The following ADAP1 variants were observed in gnomAD, a reference collection of about 807,000 sequenced individuals.
ADAP1 encodes ArfGAP with dual PH domains 1.
In ADAP1, 31 loss-of-function variants were observed where a neutral mutation model predicts 54.9. That is an observed-to-expected ratio of 0.56 (90% CI 0.42 to 0.76). The LOEUF (loss-of-function observed/expected upper bound fraction) is 0.76. Ranked by LOEUF, ADAP1 falls within the 30% of genes least tolerant of loss-of-function variation. The probability of loss-of-function intolerance (pLI) is 0.00; values close to 1 mark genes in which losing one functional copy is unlikely to be tolerated. For synonymous variants in ADAP1, 313 were observed against 202.6 expected (o/e 1.55, Z -4.63); for missense variants, 535 against 512.4 (o/e 1.04, Z -0.42).
intron 4 of ADAP1, among the ~76,000 whole-genome samples, chr7:914,801 G>T (rs1006127849): frequency 2.0e-5 from 3 of 151,888 alleles, no homozygotes; most frequent in Admixed American, 2.0e-4. Flanking sequence ...CTGGAGCACA[G>T]ACAGTCACCG....
chr7:950,994 T>C (rs1476093457), intron 1 of ADAP1, among the ~76,000 whole-genome samples: 4 of 151,070 alleles, frequency 2.6e-5, no homozygotes, highest in African/African-American at 9.8e-5. Flanking sequence ...GTTCTGGAGA[T>C]GATGGTGGTG....
Position 899,030 on chromosome 7 carries a change from C to T in ADAP1, c.1096+3G>A. On this transcript the variant is annotated splice_donor_region_variant and intron_variant, in intron 10 of 10. Coordinates refer to ENST00000265846, the MANE Select transcript of ADAP1 (RefSeq NM_006869.4). ...CAGGCCGCCGGCCGCCCGCCCCCCTCACCTGCGTACTCCTGGGGCAGCATG... is the reference window on the plus strand; with the variant it reads ...CAGGCCGCCGGCCGCCCGCCCCCCTTACCTGCGTACTCCTGGGGCAGCATG... The T allele has an allele frequency of 6.2e-7, 1 of 1,609,684 alleles. No homozygotes were observed. Among genetic ancestry groups the T allele is most frequent in the Middle Eastern group, 1.6e-4 (1 of 6,062 alleles).
intron 7 of ADAP1, 121 bp downstream of exon 7, chr7:900,412 G>T: frequency 8.7e-7 from 1 of 1,149,390 alleles, no homozygotes; most frequent in Non-Finnish European, 1.2e-6. Flanking sequence ...TGAGCCCTTG[G>T]CCAGTCCCAG....
upstream of ADAP1, chr7:955,298 C>T: frequency 2.6e-6 from 4 of 1,550,088 alleles, no homozygotes; most frequent in Non-Finnish European, 3.5e-6. Context: ...GTCACCTCTT[C>T]CCAGACTCGC....
At chr7:930,101 CAAAAA>C (rs1170304660) in intron 2 of ADAP1, among the ~76,000 whole-genome samples, 2 of 33,276 alleles carry the variant, frequency 6.0e-5, no homozygotes, top group African/African-American at 2.6e-4. Flanking sequence ...AAGACTGTCT[CAAAAA>C]AAAAAAAAAA....
chr7:905,542 AGGG>A (rs1845161176), intron 4 of ADAP1: 2 of 57,142 alleles, frequency 3.5e-5, no homozygotes, highest in South Asian at 6.0e-4. Context: ...AGAAGGGAGA[AGGG>A]AGAAGGGAGA....
chr7:948,632 C>A (rs535080009), intron 1 of ADAP1, among the ~76,000 whole-genome samples: 3 of 152,146 alleles, frequency 2.0e-5, no homozygotes, highest in Non-Finnish European at 4.4e-5. Flanking sequence ...CCTGACCCAC[C>A]TCCCAGCCCA....
chr7:952,886 C>T (rs1189805425), intron 1 of ADAP1, among the ~76,000 whole-genome samples: 1 of 152,050 alleles, frequency 6.6e-6, no homozygotes, highest in African/African-American at 2.4e-5. Flanking sequence ...GCCGGGCACA[C>T]CTGCACCCAC....
chr7:938,077 G>A lies in ADAP1; in HGVS notation c.83-2572C>T, dbSNP rs1846834022. On this transcript the variant is annotated intron_variant, in intron 1 of 10. Coordinates refer to ENST00000265846, the MANE Select transcript of ADAP1 (RefSeq NM_006869.4). The surrounding 1 kb of genome is among the most constrained non-coding windows in gnomAD (Gnocchi z 4.4). Reference sequence around the variant, plus strand: ...CCAAGTGACCCTGTCTCGGGTACCAGGAGTTTTGCCTGTGCTGAGTAGGGC... The same window carrying A: ...CCAAGTGACCCTGTCTCGGGTACCAAGAGTTTTGCCTGTGCTGAGTAGGGC... Among the ~76,000 whole-genome samples, 1 of 152,230 alleles carries A rather than the reference G, an allele frequency of 6.6e-6. No homozygotes were observed. Among genetic ancestry groups the A allele is most frequent in the African/African-American group, 2.4e-5 (1 of 41,458 alleles).
rs1177596730 is a variant in ADAP1 at position 928,262 on chromosome 7, G to A, written c.214-1618C>T. 2.0e-5 allele frequency among the ~76,000 whole-genome samples: 3 copies of A among 152,246 alleles called. 1 individual carries two copies. Among genetic ancestry groups the A allele is most frequent in the Non-Finnish European group, 4.4e-5 (3 of 68,020 alleles). On this transcript the variant is annotated intron_variant, in intron 2 of 10. Coordinates refer to ENST00000265846, the MANE Select transcript of ADAP1 (RefSeq NM_006869.4). The stretch of plus-strand genomic sequence containing the variant: ...CACACCTGTAATCCCAGCACTTTGG[G>A]AGGCCGAGGCGGGAGGATCCCTTGA...
chr7:932,404 C>T (rs1014817640), intron 2 of ADAP1, among the ~76,000 whole-genome samples: 9 of 152,274 alleles, frequency 5.9e-5, no homozygotes, highest in Non-Finnish European at 7.4e-5. Context: ...GCCCTTGCCC[C>T]GTTTGCCCTG....
chr7:900,684 T>C (rs1263437502), intron 6 of ADAP1, 68 bp from the exon 7 acceptor site: 84 of 1,341,548 alleles, frequency 6.3e-5, no homozygotes, highest in Non-Finnish European at 8.1e-5. Context: ...ACAGAGGGGC[T>C]GGGGTCCCCA....
intron 2 of ADAP1, among the ~76,000 whole-genome samples, chr7:929,367 T>C (rs1211662142): frequency 6.7e-6 from 1 of 149,788 alleles, no homozygotes; most frequent in Non-Finnish European, 1.5e-5. Context: ...ACGGTGCCCA[T>C]GGAGGAAACC....
In ADAP1 at chr7:920,803, T is replaced by C. The variant is rs1311731927; in HGVS notation, c.306-753A>G. ...ACTCACTCGAGTGAAGCCAATACCA[T>C]TGCAGAAACCACGACCCACACACAG... is the stretch of plus-strand genomic sequence containing the variant. On this transcript the variant is annotated intron_variant, in intron 3 of 10. Coordinates refer to ENST00000265846, the MANE Select transcript of ADAP1 (RefSeq NM_006869.4). This position sits in a 1 kb window ranked among gnomAD's most constrained non-coding sequence, Gnocchi z 4.5. 1.0e-5 allele frequency: 16 copies of C among 1,549,716 alleles called. No individual in the cohort carries two copies. The highest frequency in any genetic ancestry group is 1.4e-5 in the African/African-American group (1 of 72,820).
At position 945,995 on chromosome 7, in the gene ADAP1, G is replaced by A. The variant is rs972004965; in HGVS notation, c.82+8401C>T. Reference sequence around the variant, plus strand: ...AAGGCTGACGCACAGCAGAGATCCCGGTGCAATCGAGGCCGGGTCGGACGC... The same window carrying A: ...AAGGCTGACGCACAGCAGAGATCCCAGTGCAATCGAGGCCGGGTCGGACGC... On this transcript the variant is annotated intron_variant, in intron 1 of 10. Transcript: ENST00000265846. This position sits in a 1 kb window ranked among gnomAD's most constrained non-coding sequence, Gnocchi z 4.2. Among the ~76,000 whole-genome samples the A allele has an allele frequency of 3.9e-5, 6 of 152,212 alleles. No homozygotes were observed. Among genetic ancestry groups the A allele is most frequent in the East Asian group, 1.9e-4 (1 of 5,190 alleles).
At chr7:947,348 C>T (rs1448422664) in intron 1 of ADAP1, among the ~76,000 whole-genome samples, 3 of 151,862 alleles carry the variant, frequency 2.0e-5, no homozygotes, top group African/African-American at 7.2e-5. Context: ...TGAGCCACCG[C>T]GCCTGACCTT....
rs184557578 is a variant in ADAP1, at chr7:945,509, C to A, written c.82+8887G>T. Reference sequence around the variant, plus strand: ...CCAAAATGCCTGGAGTCAGCACCCACGGCCTGTGGTGCCCCCAGAACAGGC... The same window carrying A: ...CCAAAATGCCTGGAGTCAGCACCCAAGGCCTGTGGTGCCCCCAGAACAGGC... On this transcript the variant is annotated intron_variant, in intron 1 of 10. Coordinates refer to ENST00000265846, the MANE Select transcript of ADAP1 (RefSeq NM_006869.4). The surrounding 1 kb of genome is among the most constrained non-coding windows in gnomAD (Gnocchi z 4.2). Among the ~76,000 whole-genome samples the A allele has an allele frequency of 6.6e-6, 1 of 152,246 alleles. No individual in the cohort carries two copies. The highest frequency in any genetic ancestry group is 1.5e-5 in the Non-Finnish European group (1 of 68,038).
In ADAP1 at chr7:927,312, G is replaced by A. The variant is rs1846424083; in HGVS notation, c.214-668C>T. On this transcript the variant is annotated intron_variant, in intron 2 of 10. Coordinates refer to ENST00000265846, the MANE Select transcript of ADAP1 (RefSeq NM_006869.4). Reference sequence around the variant, plus strand: ...CACGCACACTGTGCTCCTGGCAGGCGCAAAGGCCCTGAGGGTGGACGCTGG... The same window carrying A: ...CACGCACACTGTGCTCCTGGCAGGCACAAAGGCCCTGAGGGTGGACGCTGG... The A allele has an allele frequency of 3.5e-6, 4 of 1,136,536 alleles. No individual in the cohort carries two copies. The South Asian group carries it at 4.4e-5, about 13-fold the overall frequency. The allele number at this position is 1,136,536 out of a possible 1,614,324, so 70.4% of individuals were successfully genotyped here.
At chr7:903,811 C>T (rs1275289224) in intron 6 of ADAP1, 7 of 289,408 alleles carry the variant, frequency 2.4e-5, no homozygotes, top group Non-Finnish European at 4.0e-5. Flanking sequence ...CTAGCCCGAG[C>T]TGGCAGCCCC....
Sources: allele counts gnomAD v4.1 joint callset (sites outside exome capture counted in the v4.1 genomes callset), GRCh38; gene constraint gnomAD v4.1.1; non-coding constraint Gnocchi (gnomAD v3.1); transcripts MANE v1.5; gene names NCBI Gene and HGNC (gene_info 2026-07-23, HGNC 2026-07-21).